The following SLC14A2 variants were observed in gnomAD, a reference collection of about 807,000 sequenced individuals.
SLC14A2 encodes urea transporter 2.
SLC14A2 carries 91 observed loss-of-function variants against 104.6 expected under a neutral mutation model. The observed-to-expected ratio is 0.87, with a 90% CI of 0.73 to 1.04. SLC14A2 has a LOEUF of 1.04. Among genes scored for constraint, SLC14A2 ranks in the 50% least tolerant of loss-of-function variants. The probability of loss-of-function intolerance (pLI) is 0.00; values close to 1 mark genes in which losing one functional copy is unlikely to be tolerated. For synonymous variants in SLC14A2, 476 were observed against 466.4 expected (o/e 1.02, Z -0.27); for missense variants, 1,189 against 1,156.0 (o/e 1.03, Z -0.41).
chr18:45,543,804 A>G (rs1164734358), intron 2 of SLC14A2, among the ~76,000 whole-genome samples: 1 of 152,272 alleles, frequency 6.6e-6, no homozygotes, highest in African/African-American at 2.4e-5. Context: ...TTGGATTTTA[A>G]GAGTGTTCCC....
chr18:45,310,312 A>G (rs1436789398), intron 1 of SLC14A2, among the ~76,000 whole-genome samples: 1 of 152,236 alleles, frequency 6.6e-6, no homozygotes, highest in African/African-American at 2.4e-5. Flanking sequence ...GCAGTCACTG[A>G]AGGGTTCCAT....
intron 4 of SLC14A2, among the ~76,000 whole-genome samples, chr18:45,630,037 T>C (rs918640167): frequency 1.2e-4 from 18 of 152,258 alleles, no homozygotes; most frequent in African/African-American, 4.3e-4. Flanking sequence ...TGAACTTTTC[T>C]TTCTCTCTGA....
chr18:45,542,811 G>A (rs574314950), intron 2 of SLC14A2, among the ~76,000 whole-genome samples: 6 of 152,166 alleles, frequency 3.9e-5, no homozygotes, highest in South Asian at 4.2e-4. Context: ...TCCACCATTC[G>A]CTCATCTCAC....
chr18:45,602,687 C>G (rs2144416244), intron 2 of SLC14A2, among the ~76,000 whole-genome samples: 1 of 152,352 alleles, frequency 6.6e-6, no homozygotes, highest in Middle Eastern at 3.4e-3. Flanking sequence ...AAATTTCACT[C>G]AGGCTCTTTC....
chr18:45,399,892 T>C (rs1278441255), intron 1 of SLC14A2, among the ~76,000 whole-genome samples: 1 of 152,106 alleles, frequency 6.6e-6, no homozygotes, highest in Non-Finnish European at 1.5e-5. Flanking sequence ...TCTTTTCTTC[T>C]TCCTCATCCT....
chr18:45,634,948 T>C (rs1002765296), intron 5 of SLC14A2: 30 of 450,076 alleles, frequency 6.7e-5, no homozygotes, highest in Admixed American at 1.9e-4. Context: ...TCCATGAACA[T>C]GGTAAGAAGT....
At chr18:45,235,945 A>G (rs777922732) in intron 1 of SLC14A2, among the ~76,000 whole-genome samples, 1 of 98,546 alleles carries the variant, frequency 1.0e-5, no homozygotes, top group Non-Finnish European at 2.0e-5. Flanking sequence ...ATATACATAT[A>G]TGTGTGTATA....
the SLC14A2 span, among the ~76,000 whole-genome samples, chr18:45,183,634 C>T: frequency 7.5e-6 from 1 of 132,742 alleles, no homozygotes; most frequent in Non-Finnish European, 1.7e-5. Flanking sequence ...CTTTTCTTTC[C>T]TTTCTTTTCC....
rs144400106 is a variant in SLC14A2, at chr18:45,637,196, C to T, written c.843+14C>T. The stretch of plus-strand genomic sequence containing the variant: ...GAAATGCCCCTGGTAAGTTACCCAG[C>T]GGTGATGAGTTGAGACCCCCATATT... On this transcript the variant is annotated intron_variant, in intron 6 of 19. Transcript: ENST00000255226. 4.8e-5 allele frequency: 78 copies of T among 1,608,960 alleles called. No homozygotes were observed. The Middle Eastern group carries it at 6.6e-4, about 14-fold the overall frequency.
the SLC14A2 span, among the ~76,000 whole-genome samples, chr18:45,171,257 A>T: frequency 3.3e-5 from 5 of 151,884 alleles, no homozygotes; most frequent in Non-Finnish European, 5.9e-5. Flanking sequence ...TTCTCTGACA[A>T]CTCTAGTCAG....
chr18:45,478,161 G>A (rs180771640), intron 1 of SLC14A2, among the ~76,000 whole-genome samples: 174 of 152,306 alleles, frequency 1.1e-3, no homozygotes, highest in African/African-American at 4.0e-3. Context: ...AAGACCATGG[G>A]AAAAGAATAG....
At chr18:45,509,278 T>C (rs575829269) in intron 2 of SLC14A2, among the ~76,000 whole-genome samples, 50 of 152,044 alleles carry the variant, frequency 3.3e-4, no homozygotes, top group African/African-American at 1.2e-3. Context: ...ACCTCAGTCA[T>C]CTCCTCCCTA....
chr18:45,346,838 T>G (rs1204807902), intron 1 of SLC14A2, among the ~76,000 whole-genome samples: 4 of 152,032 alleles, frequency 2.6e-5, no homozygotes, highest in Non-Finnish European at 4.4e-5. Flanking sequence ...GGCGGGCACC[T>G]GTAATCCCAG....
chr18:45,540,464 C>G (rs914368725), intron 2 of SLC14A2, among the ~76,000 whole-genome samples: 1 of 152,030 alleles, frequency 6.6e-6, no homozygotes, highest in African/African-American at 2.4e-5. Flanking sequence ...CAGAGTGGGC[C>G]GGGTGCGGTG....
chr18:45,224,366 C>T (rs73423882), intron 1 of SLC14A2, among the ~76,000 whole-genome samples: 11,080 of 152,296 alleles, frequency 0.073, 471 homozygotes, highest in African/African-American at 0.11. Flanking sequence ...GGAGTAAGAA[C>T]AGCAACCTTG....
At chr18:45,544,524 A>G (rs2043938586) in intron 2 of SLC14A2, among the ~76,000 whole-genome samples, 1 of 152,144 alleles carries the variant, frequency 6.6e-6, no homozygotes, top group South Asian at 2.1e-4. Flanking sequence ...AAAACATCAA[A>G]CTTTTTGGAT....
intron 1 of SLC14A2, among the ~76,000 whole-genome samples, chr18:45,310,406 G>A (rs568353166): frequency 2.0e-5 from 3 of 152,310 alleles, no homozygotes; most frequent in African/African-American, 7.2e-5. Context: ...GGCAAAACAG[G>A]CATCATTATT....
the SLC14A2 span, among the ~76,000 whole-genome samples, chr18:45,178,207 A>G: frequency 1.3e-5 from 2 of 152,192 alleles, no homozygotes; most frequent in South Asian, 4.1e-4. Flanking sequence ...GCATATCAAA[A>G]CATAAGAAAA....
At chr18:45,429,539 T>C (rs2086482724) in intron 1 of SLC14A2, among the ~76,000 whole-genome samples, 1 of 152,212 alleles carries the variant, frequency 6.6e-6, no homozygotes, top group East Asian at 1.9e-4. Context: ...GATTCCCTGT[T>C]GTCAAATAAC....
Sources: gnomAD v4.1 joint callset for allele counts (sites outside exome capture counted in the v4.1 genomes callset) on GRCh38, gnomAD v4.1.1 for gene constraint, MANE v1.5 for transcripts, NCBI Gene and HGNC (gene_info 2026-07-23, HGNC 2026-07-21) for gene names.